The following EXTL1 variants were observed in gnomAD, a reference collection of about 807,000 sequenced individuals.
The protein encoded by EXTL1 is exostosin-like 1.
In EXTL1, 43 loss-of-function variants were observed where a neutral mutation model predicts 64.6. The observed-to-expected ratio is 0.67, with a 90% confidence interval of 0.52 to 0.86. The LOEUF is 0.86. EXTL1 is among the 40% of genes least tolerant of loss of function. The pLI is 0.00. For synonymous variants in EXTL1, 352 were observed against 360.5 expected, an observed-to-expected ratio of 0.98 and a Z score of 0.27; for missense variants, 766 against 879.0, an observed-to-expected ratio of 0.87 and a Z score of 1.62.
rs760029922 is a variant in EXTL1, at chr1:26,031,268, T to C, written c.1234+4T>C. 4.3e-6 allele frequency: 7 copies of C among 1,612,896 alleles called. No individual in the cohort carries two copies. The Admixed American group carries it at 1.2e-4, about 27-fold the overall frequency. ...CCCTTCTACTACCTGCAACAGGGTA[T>C]GCCCTGGGGATGGGACAACCTGAAG... On this transcript the variant is annotated splice_donor_region_variant and intron_variant, in intron 5 of 10. Transcript: ENST00000374280.
At position 26,031,440 on chromosome 1, in the gene EXTL1, C is replaced by A; in HGVS notation, c.1235-20C>A. ...GTTCTGTTCCCTCCCACTCTAATAG[C>A]CTGTGTCTCATTCCCCCAGGCTCCC... On this transcript the variant is annotated intron_variant, in intron 5 of 10. Coordinates refer to ENST00000374280, the MANE Select transcript of EXTL1 (RefSeq NM_004455.3). 6.7e-7 allele frequency: 1 copy of A among 1,483,772 alleles called. No homozygotes were observed. The highest frequency in any genetic ancestry group is 9.2e-7 in the Non-Finnish European group (1 of 1,087,932). The allele number at this position is 1,483,772 out of a possible 1,614,324, so 91.9% of individuals were successfully genotyped here. A position where few individuals can be genotyped will look rare whatever the true frequency, so the allele number is the denominator to read the frequency against.
At chr1:26,032,347 G>A (rs776746835) in intron 6 of EXTL1, 49 bp from the exon 7 acceptor site, 86 of 1,355,948 alleles carry the variant, frequency 6.3e-5, no homozygotes, top group Middle Eastern at 1.8e-4. Context: ...CTCGCAACCC[G>A]CCTTCTGCCC....
chr1:26,030,167 T>G (rs2050266376), intron 3 of EXTL1, among the ~76,000 whole-genome samples: 1 of 152,134 alleles, frequency 6.6e-6, no homozygotes, highest in African/African-American at 2.4e-5. Context: ...TTGAATCCCC[T>G]GAGAATGGCA....
chr1:26,023,505 G>C lies in EXTL1; in HGVS notation c.779+80G>C, dbSNP rs1386943799. 6 of 1,339,920 alleles carry C rather than the reference G, an allele frequency of 4.5e-6. No homozygotes were observed. In the East Asian group the frequency reaches 1.7e-4, roughly 38 times the overall value. 83.0% of individuals were successfully genotyped at this position (1,339,920 alleles called of 1,614,324 possible). A position where few individuals can be genotyped will look rare whatever the true frequency, so the allele number is the denominator to read the frequency against. On this transcript the variant is annotated intron_variant, in intron 1 of 10. Transcript: ENST00000374280. ...AGCCCAAAAACGAGGGTAGAAGGCA[G>C]GACTGAGATGGGAGAACCAGGTAGT...
chr1:26,035,430 G>C lies in EXTL1; in HGVS notation c.*83G>C. ...CGCCTGCCGGCGGGCTCCGCTCTTG[G>C]GACACCGGAGAACCTATCATGTCAG... On this transcript the variant is annotated 3_prime_UTR_variant, in exon 11 of 11. Coordinates refer to ENST00000374280, the MANE Select transcript of EXTL1 (RefSeq NM_004455.3). The surrounding 1 kb of genome is among the most constrained non-coding windows in gnomAD (Gnocchi z 5.3). The C allele has an allele frequency of 7.7e-7, 1 of 1,300,688 alleles. No individual in the cohort carries two copies. The highest frequency in any genetic ancestry group is 2.5e-5 in the East Asian group (1 of 40,466). The allele number at this position is 1,300,688 out of a possible 1,614,324, so 80.6% of individuals were successfully genotyped here. A position where few individuals can be genotyped will look rare whatever the true frequency, so the allele number is the denominator to read the frequency against.
chr1:26,032,525 C>T, intron 7 of EXTL1, 40 bp downstream of exon 7: 1 of 1,477,988 alleles, frequency 6.8e-7, no homozygotes, highest in South Asian at 1.2e-5. Context: ...TGGGCCCATG[C>T]TGGGAGCTGG....
Position 26,035,341 on chromosome 1 carries a change from G to A in EXTL1, c.2025G>A (p.Lys675=), listed in dbSNP as rs748116050. Residue 675 remains lysine (K), a synonymous_variant, in exon 11 of 11, where the codon AAG becomes AAA. Transcript: ENST00000374280. The surrounding 1 kb of genome is among the most constrained non-coding windows in gnomAD (Gnocchi z 5.3). ...VQRKKYRSLE[K]P Reference sequence around the variant, plus strand: ...GCAAGAAGTACCGCAGCCTGGAGAAGCCCTAGGGGGGCGACCCGCGGAGAC... The same window carrying A: ...GCAAGAAGTACCGCAGCCTGGAGAAACCCTAGGGGGGCGACCCGCGGAGAC... 6.2e-7 allele frequency: 1 copy of A among 1,602,616 alleles called. No individual in the cohort carries two copies. The highest frequency in any genetic ancestry group is 8.5e-7 in the Non-Finnish European group (1 of 1,172,374).
Position 26,023,390 on chromosome 1 carries a change from G to A in EXTL1, c.744G>A (p.Trp248Ter). The A allele has an allele frequency of 1.4e-6, 2 of 1,455,872 alleles. No homozygotes were observed. The highest frequency in any genetic ancestry group is 1.5e-5 in the South Asian group (1 of 68,762). The allele number at this position is 1,455,872 out of a possible 1,614,324, so 90.2% of individuals were successfully genotyped here. Residue 248 changes from tryptophan (W) to a stop codon, truncating the protein, a stop_gained, in exon 1 of 11, where the codon TGG becomes TGA. Coordinates refer to ENST00000374280, the MANE Select transcript of EXTL1 (RefSeq NM_004455.3). LOFTEE classifies it high-confidence loss of function. ...ACACTGGCTCCTCTGCCTGCCCCTG[G>A]GATGGGCGCTGTGAGCAAGACCCTG... The part of the protein sequence containing the change: ...TADTGSSACP[W>*]DGRCEQDPGP...
intron 1 of EXTL1, among the ~76,000 whole-genome samples, chr1:26,027,702 A>AAC: frequency 6.6e-6 from 1 of 151,268 alleles, no homozygotes; most frequent in Admixed American, 6.6e-5. Context: ...AAAAAAAAAA[A>AAC]AAAAAAGCCA....
At position 26,031,238 on chromosome 1, in the gene EXTL1, A is replaced by G. The variant is rs1202635603; in HGVS notation, c.1208A>G (p.Asp403Gly). The change falls in exon 5 of 11, where the codon GAC becomes GGC. Residue 403 changes from aspartate (D) to glycine (G), a missense_variant. Transcript: ENST00000374280. ...ALSTFSTSPQ[D>G]FPFYYLQQGS... ...TCTACTTTTTCCACAAGCCCCCAGGACTTCCCCTTCTACTACCTGCAACAG... is the reference window on the plus strand; with the variant it reads ...TCTACTTTTTCCACAAGCCCCCAGGGCTTCCCCTTCTACTACCTGCAACAG... 6.2e-7 allele frequency: 1 copy of G among 1,613,456 alleles called. No individual in the cohort carries two copies. Among genetic ancestry groups the G allele is most frequent in the Admixed American group, 1.7e-5 (1 of 59,946 alleles).
At chr1:26,031,000 C>A (rs1441987754) in intron 4 of EXTL1, 132 bp from the exon 5 acceptor site, 4 of 1,070,560 alleles carry the variant, frequency 3.7e-6, no homozygotes, top group Non-Finnish European at 4.2e-6. Context: ...ATGGAGTGCC[C>A]CCTACTCTAG....
intron 5 of EXTL1, 39 bp from the exon 6 acceptor site, chr1:26,031,421 T>C (rs1557554326): frequency 7.2e-7 from 1 of 1,381,202 alleles, no homozygotes. Context: ...TGGGGTTCTG[T>C]TCCCTCCCAC....
rs765247844 is a variant in EXTL1, at chr1:26,029,210, C to T, written c.797C>T (p.Thr266Met). Reference sequence around the variant, plus strand: ...CTCTTTAGGACCCAGCGCCAGGAGACGCTGCCCAATGCCACCTTCTGCCTC... The same window carrying T: ...CTCTTTAGGACCCAGCGCCAGGAGATGCTGCCCAATGCCACCTTCTGCCTC... Reference protein sequence around the residue: ...PGPGQTQRQETLPNATFCLIS... With the variant: ...PGPGQTQRQEMLPNATFCLIS... The change falls in exon 2 of 11, where the codon ACG (threonine) becomes ATG (methionine). Residue 266 changes from threonine to methionine, a missense_variant. Thr to Met is a moderately conservative substitution (Grantham distance 81, BLOSUM62 -1). This residue lies in a region of EXTL1 where 571 missense variants were observed against 647.6 expected (regional missense o/e 0.88). Transcript: ENST00000374280. 5 of 1,613,540 alleles carry T rather than the reference C, an allele frequency of 3.1e-6. No homozygotes were observed. The highest frequency in any genetic ancestry group is 3.4e-6 in the Non-Finnish European group (4 of 1,179,756).
In EXTL1 at chr1:26,033,921, G is replaced by A. The variant is rs948235438; in HGVS notation, c.1679+65G>A. 228 of 1,422,124 alleles carry A rather than the reference G, an allele frequency of 1.6e-4. No homozygotes were observed. The highest frequency in any genetic ancestry group is 3.5e-4 in the South Asian group (26 of 73,874). 88.1% of individuals were successfully genotyped at this position (1,422,124 alleles called of 1,614,324 possible). A position where few individuals can be genotyped will look rare whatever the true frequency, so the allele number is the denominator to read the frequency against. On this transcript the variant is annotated intron_variant, in intron 9 of 10. Coordinates refer to ENST00000374280, the MANE Select transcript of EXTL1 (RefSeq NM_004455.3). This position sits in a 1 kb window ranked among gnomAD's most constrained non-coding sequence, Gnocchi z 5.1. Reference sequence around the variant, plus strand: ...GGACCAGAGACCCCACCCCCACCCCGAACGGAGCAGAGTGGCCTAGACCCC... The same window carrying A: ...GGACCAGAGACCCCACCCCCACCCCAAACGGAGCAGAGTGGCCTAGACCCC...
At chr1:26,027,229 T>C (rs2050225948) in intron 1 of EXTL1, among the ~76,000 whole-genome samples, 1 of 152,136 alleles carries the variant, frequency 6.6e-6, no homozygotes, top group African/African-American at 2.4e-5. Flanking sequence ...TGACACACAT[T>C]GTTAAGCAGA....
Position 26,033,798 on chromosome 1 carries a change from A to T in EXTL1, c.1621A>T (p.Thr541Ser). The change falls in exon 9 of 11, where the codon ACT becomes TCT. Residue 541 changes from threonine to serine, a missense_variant. Transcript: ENST00000374280. This position sits in a 1 kb window ranked among gnomAD's most constrained non-coding sequence, Gnocchi z 5.1. Reference protein sequence around the residue: ...WDEAHGGWGYTAERTNEFSMV... With the variant: ...WDEAHGGWGYSAERTNEFSMV... Reference sequence around the variant, plus strand: ...CGAGGCCCATGGTGGCTGGGGCTACACTGCTGAGAGGACCAACGAATTCTC... The same window carrying T: ...CGAGGCCCATGGTGGCTGGGGCTACTCTGCTGAGAGGACCAACGAATTCTC... 6.2e-7 allele frequency: 1 copy of T among 1,614,044 alleles called. No homozygotes were observed. The highest frequency in any genetic ancestry group is 1.6e-4 in the Middle Eastern group (1 of 6,062).
chr1:26,029,581 T>A lies in EXTL1; in HGVS notation c.874-19T>A, dbSNP rs2050258194. The A allele has an allele frequency of 1.3e-6, 2 of 1,500,968 alleles. No individual in the cohort carries two copies. The highest frequency in any genetic ancestry group is 1.4e-5 in the African/African-American group (1 of 72,914). 93.0% of individuals were successfully genotyped at this position (1,500,968 alleles called of 1,614,324 possible). A position where few individuals can be genotyped will look rare whatever the true frequency, so the allele number is the denominator to read the frequency against. On this transcript the variant is annotated intron_variant, in intron 2 of 10. Transcript: ENST00000374280. Reference sequence around the variant, plus strand: ...TGCAGGGTGGGGCTGGGCTCCCCAGTGACCTCCCCGCCCCCCAGGCCGGCT... The same window carrying A: ...TGCAGGGTGGGGCTGGGCTCCCCAGAGACCTCCCCGCCCCCCAGGCCGGCT...
At position 26,025,433 on chromosome 1, in the gene EXTL1, A is replaced by C. The variant is rs1358978933; in HGVS notation, c.779+2008A>C. Reference sequence around the variant, plus strand: ...TTATCTCCATTTCAGGGTATGGAAAACTGAGGCCCAGAGAGGTGGAATAGC... The same window carrying C: ...TTATCTCCATTTCAGGGTATGGAAACCTGAGGCCCAGAGAGGTGGAATAGC... On this transcript the variant is annotated intron_variant, in intron 1 of 10. Coordinates refer to ENST00000374280, the MANE Select transcript of EXTL1 (RefSeq NM_004455.3). This position sits in a 1 kb window ranked among gnomAD's most constrained non-coding sequence, Gnocchi z 5.3. 6.6e-6 allele frequency among the ~76,000 whole-genome samples: 1 copy of C among 152,110 alleles called. No homozygotes were observed. The highest frequency in any genetic ancestry group is 1.9e-4 in the East Asian group (1 of 5,192).
At chr1:26,024,519 G>T (rs923751912) in intron 1 of EXTL1, among the ~76,000 whole-genome samples, 1 of 152,076 alleles carries the variant, frequency 6.6e-6, no homozygotes, top group Non-Finnish European at 1.5e-5. Context: ...TCGGCCAAAG[G>T]GCTCTCGTGG....
Sources: allele counts gnomAD v4.1 joint callset (sites outside exome capture counted in the v4.1 genomes callset), GRCh38; gene constraint gnomAD v4.1.1; regional missense constraint gnomAD v4.1.1; non-coding constraint Gnocchi (gnomAD v3.1); transcripts MANE v1.5; gene names NCBI Gene and HGNC (gene_info 2026-07-23, HGNC 2026-07-21).